HDAC7: variants seen among roughly 807,000 people sequenced by gnomAD.
HDAC7 encodes histone deacetylase 7A.
In HDAC7, 26 loss-of-function variants were observed where a neutral mutation model predicts 115.5. That is an observed-to-expected ratio of 0.23 (90% CI 0.16 to 0.31). The LOEUF (loss-of-function observed/expected upper bound fraction) is 0.31. Ranked by LOEUF, HDAC7 falls within the 10% of genes least tolerant of loss-of-function variation. HDAC7 has a pLI of 1.00. For missense variants in HDAC7, 1,068 were observed against 1,329.0 expected (o/e 0.80, Z 3.05); for synonymous variants, 564 against 550.9 (o/e 1.02, Z -0.33).
At chr12:47,786,742 A>G in intron 21 of HDAC7, 39 bp from the exon 22 acceptor site, 1 of 1,541,916 alleles carries the variant, frequency 6.5e-7, no homozygotes, top group Non-Finnish European at 9.0e-7. Context: ...CGTACTGTGC[A>G]GGGTTGCCAG....
At chr12:47,805,106 TG>T (rs1944341486) in intron 1 of HDAC7, among the ~76,000 whole-genome samples, 1 of 151,692 alleles carries the variant, frequency 6.6e-6, no homozygotes, top group Non-Finnish European at 1.5e-5. Context: ...GGTCTTGTTC[TG>T]ATGCCCAGGC....
intron 1 of HDAC7, chr12:47,802,653 C>A: frequency 1.6e-6 from 1 of 622,916 alleles, no homozygotes; most frequent in Non-Finnish European, 2.8e-6. Flanking sequence ...AAGAAGAAGG[C>A]CAAGAGGTGA....
rs1230998052 is a variant in HDAC7, at chr12:47,783,833, C to G, written c.*8G>C. 1 of 1,610,316 alleles carries G rather than the reference C, an allele frequency of 6.2e-7. No homozygotes were observed. Among genetic ancestry groups the G allele is most frequent in the Non-Finnish European group, 8.5e-7 (1 of 1,178,904 alleles). On this transcript the variant is annotated 3_prime_UTR_variant, in exon 26 of 26. Transcript: ENST00000080059. ...GGGCATGGTGGGCGGGCAGATGGTTCCAGAGCCTTAGAGATTCATAGGTTC... is the reference window on the plus strand; with the variant it reads ...GGGCATGGTGGGCGGGCAGATGGTTGCAGAGCCTTAGAGATTCATAGGTTC...
Position 47,798,192 on chromosome 12 carries a change from T to C in HDAC7, c.377A>G (p.Gln126Arg). The change falls in exon 5 of 26, where the codon CAG becomes CGG. Residue 126 changes from glutamine to arginine, a missense_variant. Transcript: ENST00000080059. This position sits in a 1 kb window ranked among gnomAD's most constrained non-coding sequence, Gnocchi z 4.3. Reference protein sequence around the residue: ...RSAVASSVVKQKLAEVILKKQ... With the variant: ...RSAVASSVVKRKLAEVILKKQ... ...TTTCAGAATCACCTCCGCTAGCTTC[T>C]GCTTGACCACGCTGCTGGCTACAGC... 2 of 1,613,836 alleles carry C rather than the reference T, an allele frequency of 1.2e-6. No individual in the cohort carries two copies. Among genetic ancestry groups the C allele is most frequent in the Non-Finnish European group, 1.7e-6 (2 of 1,179,910 alleles).
intron 1 of HDAC7, among the ~76,000 whole-genome samples, chr12:47,810,773 A>G (rs1944616767): frequency 6.8e-6 from 1 of 146,032 alleles, no homozygotes; most frequent in South Asian, 2.3e-4. Context: ...CAGAGTGGGT[A>G]CTCGGGGGTA....
intron 18 of HDAC7, 51 bp from the exon 19 acceptor site, chr12:47,789,399 C>T: frequency 1.3e-6 from 2 of 1,578,922 alleles, no homozygotes; most frequent in Non-Finnish European, 1.7e-6. Flanking sequence ...ATGCCCTCAC[C>T]TCCCCAGGCC....
intron 7 of HDAC7, among the ~76,000 whole-genome samples, chr12:47,796,713 C>T (rs1354288159): frequency 2.0e-5 from 3 of 152,188 alleles, no homozygotes; most frequent in Admixed American, 6.5e-5. Context: ...CGTGAACCAC[C>T]GCGCCCGGCC....
intron 1 of HDAC7, among the ~76,000 whole-genome samples, 184 bp downstream of exon 1, chr12:47,819,583 C>T (rs1282938241): frequency 6.6e-6 from 1 of 151,454 alleles, no homozygotes; most frequent in Admixed American, 6.6e-5. Flanking sequence ...CCTGCCAGAG[C>T]CCCGCGGAGC....
chr12:47,794,712 A>G, intron 12 of HDAC7, 48 bp downstream of exon 12: 1 of 1,496,500 alleles, frequency 6.7e-7, no homozygotes, highest in Non-Finnish European at 8.9e-7. Context: ...GCCAGGCCCC[A>G]GAGTCTTCTG....
chr12:47,794,711 C>T, intron 12 of HDAC7, 49 bp downstream of exon 12: 1 of 1,496,088 alleles, frequency 6.7e-7, no homozygotes, highest in South Asian at 1.3e-5. Flanking sequence ...TGCCAGGCCC[C>T]AGAGTCTTCT....
Position 47,789,230 on chromosome 12 carries a change from G to C in HDAC7, c.2235+31C>G, listed in dbSNP as rs113954394. ...TCAGGGCTTTTCCCCCAGGGCTCTC[G>C]AATTGGAGGGTGCTACGGACAGGCA... On this transcript the variant is annotated intron_variant, in intron 19 of 25. Coordinates refer to ENST00000080059, the MANE Select transcript of HDAC7 (RefSeq NM_015401.5). The C allele has an allele frequency of 1.6e-5, 25 of 1,549,218 alleles. No homozygotes were observed. In the African/African-American group the frequency reaches 2.7e-4, roughly 17 times the overall value.
intron 1 of HDAC7, chr12:47,802,475 C>G (rs1205936644): frequency 6.4e-7 from 1 of 1,551,200 alleles, no homozygotes; most frequent in Non-Finnish European, 8.7e-7. Flanking sequence ...GTGAAAAGGG[C>G]TCCCAGCTCC....
intron 1 of HDAC7, chr12:47,813,544 G>A (rs1414591182): frequency 6.6e-6 from 1 of 152,378 alleles, no homozygotes; most frequent in African/African-American, 2.4e-5. Context: ...GGATCCCCAG[G>A]GTGAGAGGCT....
Position 47,785,746 on chromosome 12 carries a change from G to C in HDAC7, c.2706+6C>G. ...GAAGCATGGATGGGGGAGGGAGACG[G>C]CTCACCCTGTTACCCAGAAGAGCAG... On this transcript the variant is annotated splice_donor_region_variant and intron_variant, in intron 23 of 25. Coordinates refer to ENST00000080059, the MANE Select transcript of HDAC7 (RefSeq NM_015401.5). 1 of 1,602,180 alleles carries C rather than the reference G, an allele frequency of 6.2e-7. No individual in the cohort carries two copies. Among genetic ancestry groups the C allele is most frequent in the Non-Finnish European group, 8.5e-7 (1 of 1,174,288 alleles).
intron 19 of HDAC7, 165 bp downstream of exon 19, chr12:47,789,096 C>G: frequency 1.5e-6 from 1 of 658,676 alleles, no homozygotes; most frequent in South Asian, 1.8e-5. Context: ...CTAGGCCTCC[C>G]AACTGTGATG....
intron 16 of HDAC7, 23 bp downstream of exon 16, chr12:47,791,236 C>A (rs1475410199): frequency 6.3e-7 from 1 of 1,585,464 alleles, no homozygotes; most frequent in East Asian, 2.3e-5. Context: ...CAACGCCCCC[C>A]TGAGACCCCT....
At position 47,793,181 on chromosome 12, in the gene HDAC7, G is replaced by C; in HGVS notation, c.1678+188C>G. 3.8e-6 allele frequency: 2 copies of C among 523,436 alleles called. No individual in the cohort carries two copies. The highest frequency in any genetic ancestry group is 6.7e-6 in the Non-Finnish European group (2 of 300,388). The allele number at this position is 523,436 out of a possible 1,614,324, so 32.4% of individuals were successfully genotyped here. A position where few individuals can be genotyped will look rare whatever the true frequency, so the allele number is the denominator to read the frequency against. On this transcript the variant is annotated intron_variant, in intron 13 of 25. Transcript: ENST00000080059. The surrounding 1 kb of genome is among the most constrained non-coding windows in gnomAD (Gnocchi z 4.5). ...CCACAGGCTTGTCACCTTAGATTTC[G>C]TGAGCCTTGGTCCTCATCGGCCAAA...
Position 47,793,335 on chromosome 12 carries a change from C to CAACCA in HDAC7, c.1678+33_1678+34insTGGTT. Reference sequence around the variant, plus strand: ...CACATGGACTCGTGCAGCCGAGCCCCTCCCTCCACCCGCCACCCTCCTCCC... The same window carrying CAACCA: ...CACATGGACTCGTGCAGCCGAGCCCCAACCATCCCTCCACCCGCCACCCTCCTCCC... On this transcript the variant is annotated intron_variant, in intron 13 of 25. Transcript: ENST00000080059. This position sits in a 1 kb window ranked among gnomAD's most constrained non-coding sequence, Gnocchi z 4.5. The CAACCA allele has an allele frequency of 7.5e-6, 10 of 1,332,068 alleles. No individual in the cohort carries two copies. The highest frequency in any genetic ancestry group is 9.2e-6 in the Non-Finnish European group (9 of 975,464). The allele number at this position is 1,332,068 out of a possible 1,614,324, so 82.5% of individuals were successfully genotyped here. A position where few individuals can be genotyped will look rare whatever the true frequency, so the allele number is the denominator to read the frequency against.
intron 1 of HDAC7, 38 bp from the exon 2 acceptor site, chr12:47,802,312 G>A (rs1421020081): frequency 6.2e-7 from 1 of 1,603,588 alleles, no homozygotes; most frequent in African/African-American, 1.3e-5. Flanking sequence ...GCTGCAGGGA[G>A]GGGTGAGGAG....
Sources: allele counts gnomAD v4.1 joint callset (sites outside exome capture counted in the v4.1 genomes callset), GRCh38; gene constraint gnomAD v4.1.1; non-coding constraint Gnocchi (gnomAD v3.1); transcripts MANE v1.5; gene names NCBI Gene and HGNC (gene_info 2026-07-23, HGNC 2026-07-21).